The following ANKRD23 variants were observed in gnomAD, a reference collection of about 807,000 sequenced individuals.
The protein encoded by ANKRD23 is ankyrin repeat domain-containing protein 23.
A neutral mutation model predicts 38.1 loss-of-function variants in ANKRD23; 52 were observed. That is an observed-to-expected ratio of 1.36 (90% CI 1.09 to 1.72). ANKRD23 has a LOEUF of 1.72. ANKRD23 is among the 40% of genes most tolerant of loss of function. The pLI is 0.00. For missense variants in ANKRD23, 416 were observed against 400.2 expected (o/e 1.04, Z -0.34); for synonymous variants, 167 against 162.9 (o/e 1.03, Z -0.19).
Position 96,840,493 on chromosome 2 carries a change from A to G in ANKRD23, c.448T>C (p.Trp150Arg). 6.2e-7 allele frequency: 1 copy of G among 1,613,946 alleles called. No homozygotes were observed. Among genetic ancestry groups the G allele is most frequent in the Non-Finnish European group, 8.5e-7 (1 of 1,180,022 alleles). ...TGGCTGTGACCCTTCAGACAGGCCC[A>G]GTGCAAGGCGGTGCGGTGGAGCTGA... is the stretch of plus-strand genomic sequence containing the variant. ...HDKLHRTALH[W>R]ACLKGHSQLV... The change falls in exon 5 of 9, where the codon TGG (tryptophan) becomes CGG (arginine). Residue 150 changes from tryptophan to arginine, a missense_variant. Transcript: ENST00000318357.
Position 96,843,965 on chromosome 2 carries a change from C to T in ANKRD23, c.27+1G>A, listed in dbSNP as rs754375929. 4 of 1,608,964 alleles carry T rather than the reference C, an allele frequency of 2.5e-6. No individual in the cohort carries two copies. Among genetic ancestry groups the T allele is most frequent in the East Asian group, 4.5e-5 (2 of 44,378 alleles). On this transcript the variant is annotated splice_donor_variant, in intron 1 of 8. Transcript: ENST00000318357. LOFTEE classifies it high-confidence loss of function. Reference sequence around the variant, plus strand: ...CTCCCACCTCCGTCCCACATCCTTACCAACTGCTGAATGCTGATGAAGTCC... The same window carrying T: ...CTCCCACCTCCGTCCCACATCCTTATCAACTGCTGAATGCTGATGAAGTCC...
Position 96,840,883 on chromosome 2 carries a change from C to A in ANKRD23, c.330G>T (p.Val110=). ...CTGCCTTCAGGAACATCTCCAGGCC[C>A]ACAGGCTCCACCTGGGCCTGGGACT... ...KPQSQAQVEP[V]GLEMFLKAAA... The change falls in exon 4 of 9, where the codon GTG becomes GTT. Residue 110 remains valine (V), a synonymous_variant. Coordinates refer to ENST00000318357, the MANE Select transcript of ANKRD23 (RefSeq NM_144994.8). 1 of 1,614,210 alleles carries A rather than the reference C, an allele frequency of 6.2e-7. No homozygotes were observed. The highest frequency in any genetic ancestry group is 1.1e-5 in the South Asian group (1 of 91,086).
chr2:96,842,355 CCT>C lies in ANKRD23; in HGVS notation c.174+8_174+9del, dbSNP rs1403921958. 1.9e-6 allele frequency: 3 copies of C among 1,607,460 alleles called. No homozygotes were observed. On this transcript the variant is annotated splice_region_variant and intron_variant, in intron 2 of 8. Transcript: ENST00000318357. ...ACTGCCCCCAACCCCGGCCCCCGCCCCTCTCTCACTTTCTTCTTCTTCTCTTC... is the reference window on the plus strand; with the variant it reads ...ACTGCCCCCAACCCCGGCCCCCGCCCCTCTCACTTTCTTCTTCTTCTCTTC...
chr2:96,842,941 C>T (rs142754494), intron 1 of ANKRD23, among the ~76,000 whole-genome samples: 315 of 152,328 alleles, frequency 2.1e-3, no homozygotes, highest in Admixed American at 4.1e-3. Context: ...GAAGTCCCCC[C>T]GGGGTAAAAT....
intron 3 of ANKRD23, 117 bp from the exon 4 acceptor site, chr2:96,841,029 C>T (rs916439052): frequency 7.8e-7 from 1 of 1,285,758 alleles, no homozygotes; most frequent in African/African-American, 1.5e-5. Flanking sequence ...ACACTGCTGG[C>T]TCGTACTAAT....
intron 1 of ANKRD23, among the ~76,000 whole-genome samples, chr2:96,842,936 C>G (rs1159671152): frequency 6.6e-6 from 1 of 152,180 alleles, no homozygotes; most frequent in South Asian, 2.1e-4. Flanking sequence ...ACAGAGAAGT[C>G]CCCCCGGGGT....
chr2:96,841,196 G>T (rs909843730), intron 3 of ANKRD23: 41 of 364,462 alleles, frequency 1.1e-4, no homozygotes, highest in Middle Eastern at 8.1e-4. Flanking sequence ...GAGTCACTGA[G>T]GATGTAATTA....
In ANKRD23 at chr2:96,840,478, C is replaced by A. The variant is rs561812290; in HGVS notation, c.463G>T (p.Gly155Cys). The A allele has an allele frequency of 5.0e-6, 8 of 1,614,048 alleles. No individual in the cohort carries two copies. The African/African-American group carries it at 5.3e-5, about 11-fold the overall frequency. ...AGCTTGTTCACCAGCTGGCTGTGAC[C>A]CTTCAGACAGGCCCAGTGCAAGGCG... ...RTALHWACLK[G>C]HSQLVNKLLV... The change falls in exon 5 of 9, where the codon GGT becomes TGT. Residue 155 changes from glycine (G) to cysteine (C), a missense_variant. By Grantham distance (159) the Gly-to-Cys change is radical (BLOSUM62 -3). Coordinates refer to ENST00000318357, the MANE Select transcript of ANKRD23 (RefSeq NM_144994.8).
At chr2:96,842,627 C>A in intron 1 of ANKRD23, 116 bp from the exon 2 acceptor site, 2 of 1,307,140 alleles carry the variant, frequency 1.5e-6, no homozygotes, top group East Asian at 2.4e-5. Context: ...GGCTGGTGCC[C>A]GGGATGGGAG....
intron 3 of ANKRD23, 64 bp downstream of exon 3, chr2:96,841,996 A>G (rs1240289573): frequency 6.2e-7 from 1 of 1,609,078 alleles, no homozygotes; most frequent in Non-Finnish European, 8.5e-7. Flanking sequence ...ACTCTGCCCC[A>G]AGCCCTTCCT....
Position 96,839,789 on chromosome 2 carries a change from C to G in ANKRD23, c.760G>C (p.Gly254Arg). Residue 254 changes from glycine to arginine, a missense_variant, in exon 8 of 9, where the codon GGC becomes CGC. Coordinates refer to ENST00000318357, the MANE Select transcript of ANKRD23 (RefSeq NM_144994.8). ...AGTAGCTTCATGGCTTTGTAGCTGCCGTGCCGCACGGCCTCGTGCAGAGCC... is the reference window on the plus strand; with the variant it reads ...AGTAGCTTCATGGCTTTGTAGCTGCGGTGCCGCACGGCCTCGTGCAGAGCC... ...DTALHEAVRH[G>R]SYKAMKLLLL... 6.2e-7 allele frequency: 1 copy of G among 1,613,342 alleles called. No individual in the cohort carries two copies. The highest frequency in any genetic ancestry group is 8.5e-7 in the Non-Finnish European group (1 of 1,179,934).
chr2:96,839,088 A>C lies in ANKRD23; in HGVS notation c.*461T>G. 1 of 988,740 alleles carries C rather than the reference A, an allele frequency of 1.0e-6. No individual in the cohort carries two copies. The highest frequency in any genetic ancestry group is 1.2e-6 in the Non-Finnish European group (1 of 832,412). The allele number at this position is 988,740 out of a possible 1,614,324, so 61.2% of individuals were successfully genotyped here. On this transcript the variant is annotated 3_prime_UTR_variant, in exon 9 of 9. Coordinates refer to ENST00000318357, the MANE Select transcript of ANKRD23 (RefSeq NM_144994.8). ...CTTGGCTGCACCTTGTACATCCTGG[A>C]TGGCATCTGCCGGCCACGGGCTGAG...
In ANKRD23 at chr2:96,840,822, A is replaced by G. The variant is rs2153358657; in HGVS notation, c.391T>C (p.Leu131=). Residue 131 remains leucine, a synonymous_variant, in exon 4 of 9, where the codon TTG becomes CTG. Transcript: ENST00000318357. The part of the protein sequence containing the change: ...ENQEYLIDKY[L]TDGGDPNAHD... ...GCATTGGGGTCCCCTCCGTCTGTCAAGTACTTGTCAATCAGGTACTCCTGG... is the reference window on the plus strand; with the variant it reads ...GCATTGGGGTCCCCTCCGTCTGTCAGGTACTTGTCAATCAGGTACTCCTGG... 1.2e-6 allele frequency: 2 copies of G among 1,614,228 alleles called. No homozygotes were observed. The highest frequency in any genetic ancestry group is 1.7e-6 in the Non-Finnish European group (2 of 1,180,040).
chr2:96,842,212 G>T, intron 2 of ANKRD23, 27 bp from the exon 3 acceptor site: 1 of 1,613,408 alleles, frequency 6.2e-7, no homozygotes, highest in South Asian at 1.1e-5. Flanking sequence ...GACCATGCCA[G>T]CCATCAGCCG....
chr2:96,841,454 C>T (rs1051814534), intron 3 of ANKRD23, among the ~76,000 whole-genome samples: 2 of 152,016 alleles, frequency 1.3e-5, no homozygotes, highest in Admixed American at 6.5e-5. Flanking sequence ...AAAAAATTAG[C>T]CGGGCGTGGT....
Position 96,839,155 on chromosome 2 carries a change from C to A in ANKRD23, c.*394G>T, listed in dbSNP as rs1427323366. On this transcript the variant is annotated 3_prime_UTR_variant, in exon 9 of 9. Coordinates refer to ENST00000318357, the MANE Select transcript of ANKRD23 (RefSeq NM_144994.8). ...CTGGCCCTGGAGAGAGCAAGGCAAGCCCCCTAACCTGGGACAAGTGGACAC... is the reference window on the plus strand; with the variant it reads ...CTGGCCCTGGAGAGAGCAAGGCAAGACCCCTAACCTGGGACAAGTGGACAC... The A allele has an allele frequency of 6.9e-6, 7 of 1,010,678 alleles. No homozygotes were observed. Among genetic ancestry groups the A allele is most frequent in the Non-Finnish European group, 8.3e-6 (7 of 847,212 alleles). The allele number at this position is 1,010,678 out of a possible 1,614,324, so 62.6% of individuals were successfully genotyped here.
At chr2:96,840,206 G>A (rs768832356) in intron 6 of ANKRD23, 26 bp downstream of exon 6, 1 of 1,600,328 alleles carries the variant, frequency 6.2e-7, no homozygotes, top group Non-Finnish European at 8.5e-7. Flanking sequence ...GTTCCCGACA[G>A]GCCCCCAAAG....
chr2:96,839,613 T>C lies in ANKRD23; in HGVS notation c.854A>G (p.Asp285Gly). The C allele has an allele frequency of 6.7e-7, 1 of 1,497,234 alleles. No homozygotes were observed. Among genetic ancestry groups the C allele is most frequent in the South Asian group, 1.3e-5 (1 of 75,128 alleles). 92.7% of individuals were successfully genotyped at this position (1,497,234 alleles called of 1,614,324 possible). Residue 285 changes from aspartate (D) to glycine (G), a missense_variant, in exon 9 of 9, where the codon GAC becomes GGC. Coordinates refer to ENST00000318357, the MANE Select transcript of ANKRD23 (RefSeq NM_144994.8). ...GGCCTCCCGGATGCCGCGCTGCCAGTCTCGAGCCAGCTGCACCGGGGTCAC... is the reference window on the plus strand; with the variant it reads ...GGCCTCCCGGATGCCGCGCTGCCAGCCTCGAGCCAGCTGCACCGGGGTCAC... ...ASVTPVQLARDWQRGIREALQ... is the reference protein window; with the variant it reads ...ASVTPVQLARGWQRGIREALQ...
Position 96,839,804 on chromosome 2 carries a change from C to T in ANKRD23, c.745G>A (p.Glu249Lys), listed in dbSNP as rs1199708047. The T allele has an allele frequency of 6.2e-7, 1 of 1,612,942 alleles. No individual in the cohort carries two copies. Among genetic ancestry groups the T allele is most frequent in the East Asian group, 2.2e-5 (1 of 44,860 alleles). The change falls in exon 8 of 9, where the codon GAG (glutamate) becomes AAG (lysine). Residue 249 changes from glutamate to lysine, a missense_variant. By Grantham distance (56) the Glu-to-Lys change is moderately conservative. Transcript: ENST00000318357. ...QDKEGDTALH[E>K]AVRHGSYKAM... is the part of the protein sequence containing the mutation. ...TTGTAGCTGCCGTGCCGCACGGCCT[C>T]GTGCAGAGCCGTGTCCCCTTCCTGC...
Sources: gnomAD v4.1 joint callset for allele counts (sites outside exome capture counted in the v4.1 genomes callset) on GRCh38, gnomAD v4.1.1 for gene constraint, MANE v1.5 for transcripts, NCBI Gene and HGNC (gene_info 2026-07-23, HGNC 2026-07-21) for gene names.